Variants in THADA observed in about 807,000 individuals in gnomAD.
THADA encodes tRNA (32-2'-O)-methyltransferase regulator THADA.
THADA carries 213 observed loss-of-function variants against 219.8 expected under a neutral mutation model. The ratio of observed to expected loss-of-function variants is 0.97; its 90% CI spans 0.87 to 1.09. THADA has a LOEUF of 1.09. THADA is among the 50% of genes least tolerant of loss of function. The pLI is 0.00. For synonymous variants in THADA, 1,018 were observed against 828.9 expected (o/e 1.23, Z -3.92); for missense variants, 2,956 against 2,311.3 (o/e 1.28, Z -5.72).
rs1330286234 is a variant in THADA at position 43,543,543 on chromosome 2, CCTGA to C, written c.3107-2231_3107-2228del. ...ACATCCTCTCCAGCACCTGTTGTTT[CCTGA>C]CTTTTTAATGATTGCCATTCTACCT... is the stretch of plus-strand genomic sequence containing the variant. On this transcript the variant is annotated intron_variant, in intron 20 of 37. Coordinates refer to ENST00000405975, the MANE Select transcript of THADA (RefSeq NM_022065.5). Among the ~76,000 whole-genome samples the C allele has an allele frequency of 4.3e-3, 656 of 151,422 alleles. 3 individuals are homozygous for C. The highest frequency in any genetic ancestry group is 0.015 in the African/African-American group (607 of 41,284).
At chr2:43,277,622 G>C (rs1194789652) in intron 36 of THADA, among the ~76,000 whole-genome samples, 2 of 151,792 alleles carry the variant, frequency 1.3e-5, no homozygotes, top group Non-Finnish European at 1.5e-5. Flanking sequence ...CAGAGGTGTG[G>C]AGCTCTTGTG....
chr2:43,498,802 A>G, intron 25 of THADA, 31 bp downstream of exon 25: 1 of 1,603,764 alleles, frequency 6.2e-7, no homozygotes, highest in Admixed American at 1.7e-5. Flanking sequence ...GCATAATTAA[A>G]TCAATGAAAA....
intron 29 of THADA, among the ~76,000 whole-genome samples, chr2:43,377,219 A>G (rs1214010353): frequency 6.6e-6 from 1 of 152,178 alleles, no homozygotes; most frequent in East Asian, 1.9e-4. Context: ...TAGAGTTTAG[A>G]TAACGGTCCT....
chr2:43,310,362 A>C (rs1677371560), intron 31 of THADA, among the ~76,000 whole-genome samples: 1 of 152,178 alleles, frequency 6.6e-6, no homozygotes, highest in African/African-American at 2.4e-5. Context: ...AATGATAATC[A>C]AGACAGTGTG....
intron 30 of THADA, among the ~76,000 whole-genome samples, chr2:43,321,938 A>G (rs1678761026): frequency 1.3e-5 from 2 of 152,206 alleles, no homozygotes; most frequent in Non-Finnish European, 1.5e-5. Flanking sequence ...CTCATTTCCT[A>G]TAAACTAAGT....
At chr2:43,412,995 TCAATACA>T (rs1312868035) in intron 28 of THADA, among the ~76,000 whole-genome samples, 1 of 152,134 alleles carries the variant, frequency 6.6e-6, no homozygotes, top group Non-Finnish European at 1.5e-5. Flanking sequence ...GTGCATGAGT[TCAATACA>T]CACAGGGAAA....
In THADA at chr2:43,520,854, A is replaced by G. The variant is rs567573008; in HGVS notation, c.3374+7025T>C. On this transcript the variant is annotated intron_variant, in intron 22 of 37. Transcript: ENST00000405975. ...TATATCCAAAATCCTGACTTTCCCA[A>G]TCAGAACCTAGAAAGCAGCACGGTA... 1.1e-4 allele frequency among the ~76,000 whole-genome samples: 16 copies of G among 151,340 alleles called. 1 individual carries two copies. Among genetic ancestry groups the G allele is most frequent in the Non-Finnish European group, 1.6e-4 (11 of 67,818 alleles).
chr2:43,571,035 C>T (rs1413670736), intron 13 of THADA, among the ~76,000 whole-genome samples: 1 of 152,136 alleles, frequency 6.6e-6, no homozygotes, highest in African/African-American at 2.4e-5. Context: ...GTGGCAGGAC[C>T]ACTAGAGTCC....
Position 43,498,955 on chromosome 2 carries a change from C to G in THADA, c.3622G>C (p.Val1208Leu). The change falls in exon 25 of 38, where the codon GTT (valine) becomes CTT (leucine). Residue 1208 changes from valine (V) to leucine (L), a missense_variant and splice_region_variant. Val to Leu is a conservative substitution (Grantham distance 32). Transcript: ENST00000405975. ...GCTCTAAGGATATTTAAAGCATGAACCTAAAACAAGAAGTTCAAAATTAGT... is the reference window on the plus strand; with the variant it reads ...GCTCTAAGGATATTTAAAGCATGAAGCTAAAACAAGAAGTTCAAAATTAGT... ...TDDIQSTVPQ[V>L]HALNILRALF... The G allele has an allele frequency of 6.4e-7, 1 of 1,559,860 alleles. No individual in the cohort carries two copies. Among genetic ancestry groups the G allele is most frequent in the Non-Finnish European group, 8.7e-7 (1 of 1,151,290 alleles).
intron 23 of THADA, among the ~76,000 whole-genome samples, chr2:43,508,154 T>C (rs1007961124): frequency 5.1e-4 from 78 of 152,226 alleles, no homozygotes; most frequent in African/African-American, 1.9e-3. Flanking sequence ...AAGGAGTTAA[T>C]GAGGTGAAAT....
intron 36 of THADA, among the ~76,000 whole-genome samples, chr2:43,273,497 G>C (rs979431819): frequency 2.6e-5 from 4 of 152,170 alleles, no homozygotes; most frequent in African/African-American, 9.7e-5. Flanking sequence ...CTTTGAAGGC[G>C]ATATACCTGA....
rs1042515153 is a variant in THADA at position 43,232,751 on chromosome 2, T to C, written c.5428A>G (p.Ser1810Gly). ...PILLGWLLGE[S>G]DDLVACVESM... ...TCCACACAGGCCACGAGGTCATCAC[T>C]CTCTCCCAACAGCCATCCCAGCAGG... The change falls in exon 37 of 38, where the codon AGT (serine) becomes GGT (glycine). Residue 1810 changes from serine (S) to glycine (G), a missense_variant. By Grantham distance (56) the Ser-to-Gly change is moderately conservative (BLOSUM62 0). Coordinates refer to ENST00000405975, the MANE Select transcript of THADA (RefSeq NM_022065.5). 3 of 1,613,648 alleles carry C rather than the reference T, an allele frequency of 1.9e-6. No homozygotes were observed. The highest frequency in any genetic ancestry group is 2.5e-6 in the Non-Finnish European group (3 of 1,179,848).
chr2:43,565,984 AG>A lies in THADA; in HGVS notation c.2311+713del, dbSNP rs112708569. 194 of 153,984 alleles carry A rather than the reference AG, an allele frequency of 1.3e-3. 1 individual carries two copies. Among genetic ancestry groups the A allele is most frequent in the African/African-American group, 4.6e-3 (190 of 41,578 alleles). The allele number at this position is 153,984 out of a possible 1,614,324, so 9.5% of individuals were successfully genotyped here. ...GCGCCTGAAGTCCCAGCTACTCGGGAGGCTGAGGCAGGAGAATCGCTTGAAC... is the reference window on the plus strand; with the variant it reads ...GCGCCTGAAGTCCCAGCTACTCGGGAGCTGAGGCAGGAGAATCGCTTGAAC... On this transcript the variant is annotated intron_variant, in intron 15 of 37. Transcript: ENST00000405975.
chr2:43,302,050 T>G (rs971324456), intron 31 of THADA, among the ~76,000 whole-genome samples: 1 of 151,652 alleles, frequency 6.6e-6, no homozygotes, highest in African/African-American at 2.4e-5. Flanking sequence ...CTTTTTTTTT[T>G]ACAAAGGAAA....
intron 36 of THADA, among the ~76,000 whole-genome samples, chr2:43,250,325 A>G (rs1228866760): frequency 6.6e-6 from 1 of 152,224 alleles, no homozygotes; most frequent in Non-Finnish European, 1.5e-5. Context: ...ATATAAATCC[A>G]TTTATATGAA....
At chr2:43,591,023 T>C (rs770643855) in intron 3 of THADA, 69 bp from the exon 4 acceptor site, 6 of 1,456,546 alleles carry the variant, frequency 4.1e-6, no homozygotes, top group Non-Finnish European at 5.7e-6. Flanking sequence ...TTACAGATAC[T>C]CTTTGAAGTC....
chr2:43,419,758 T>TA (rs1486468805), intron 28 of THADA, among the ~76,000 whole-genome samples: 4 of 152,130 alleles, frequency 2.6e-5, no homozygotes, highest in African/African-American at 9.7e-5. Flanking sequence ...AACAAGGAAA[T>TA]AAAAGTTCTG....
chr2:43,331,384 GA>G (rs1354200329), intron 30 of THADA, among the ~76,000 whole-genome samples: 1 of 152,206 alleles, frequency 6.6e-6, no homozygotes, highest in Non-Finnish European at 1.5e-5. Flanking sequence ...AGAGAGACTA[GA>G]AACTCTGATG....
intron 29 of THADA, among the ~76,000 whole-genome samples, chr2:43,393,388 A>T (rs2104699539): frequency 6.6e-6 from 1 of 152,320 alleles, no homozygotes; most frequent in Non-Finnish European, 1.5e-5. Flanking sequence ...TCTAAAGAAA[A>T]TAGGAACACA....
Sources: allele counts gnomAD v4.1 joint callset (sites outside exome capture counted in the v4.1 genomes callset), GRCh38; gene constraint gnomAD v4.1.1; transcripts MANE v1.5; gene names NCBI Gene and HGNC (gene_info 2026-07-23, HGNC 2026-07-21).